C13orf42: variants seen among roughly 807,000 people sequenced by gnomAD.
The protein encoded by C13orf42 is uncharacterized protein C13orf42.
At chr13:51,114,639 GATAGAT>G (rs1363116641), upstream of C13orf42, among the ~76,000 whole-genome samples, 4,375 of 100,610 alleles carry the variant, frequency 0.043, 207 homozygotes, top group African/African-American at 0.13. Flanking sequence ...TAGATAGATA[GATAGAT>G]AGAGATAGAC....
At chr13:51,108,625 T>G (rs1377303224) in intron 1 of C13orf42, among the ~76,000 whole-genome samples, 1 of 152,234 alleles carries the variant, frequency 6.6e-6, no homozygotes, top group Non-Finnish European at 1.5e-5. Flanking sequence ...AAGTACCTGG[T>G]ATGTGCTAGG....
At position 51,095,049 on chromosome 13, in the gene C13orf42, AC is replaced by A. The variant is rs753960935; in HGVS notation, c.415-6975del. Among the ~76,000 whole-genome samples the A allele has an allele frequency of 1.2e-3, 178 of 152,098 alleles. 2 individuals are homozygous for A. Among genetic ancestry groups the A allele is most frequent in the Non-Finnish European group, 1.1e-3 (73 of 68,020 alleles). On this transcript the variant is annotated intron_variant, in intron 1 of 3. Transcript: ENST00000563710. Reference sequence around the variant, plus strand: ...TGCCTTTGTTTCTCCTTTGCCTTCCACCATGATTGTGAGGCCTCCCCAGCCA... The same window carrying A: ...TGCCTTTGTTTCTCCTTTGCCTTCCACATGATTGTGAGGCCTCCCCAGCCA...
intron 1 of C13orf42, among the ~76,000 whole-genome samples, chr13:51,133,778 T>G (rs1245418125): frequency 1.3e-5 from 2 of 152,186 alleles, no homozygotes; most frequent in East Asian, 3.9e-4. Flanking sequence ...TCTCGAACTC[T>G]GTGCCACCGT....
chr13:51,099,193 CTTTTA>C (rs1953263050), intron 1 of C13orf42, among the ~76,000 whole-genome samples: 2 of 152,088 alleles, frequency 1.3e-5, no homozygotes, highest in Admixed American at 1.3e-4. Flanking sequence ...TTATCTATTT[CTTTTA>C]TATTACAGCA....
chr13:51,121,315 C>T (rs530518680), intron 1 of C13orf42, among the ~76,000 whole-genome samples: 4 of 152,270 alleles, frequency 2.6e-5, no homozygotes, highest in African/African-American at 9.6e-5. Flanking sequence ...AACCAAACCA[C>T]ATTTAATACT....
At position 51,165,046 on chromosome 13, in the gene C13orf42, TC is replaced by T. The variant is rs199657703; in HGVS notation, n.136+7206del. ...AAGATCATTACGGGTGTGCTGACTA[TC>T]CTCCCTTTGCCTCCCTGTTGCCATG... On this transcript the variant is annotated intron_variant and non_coding_transcript_variant, in intron 1 of 4. Coordinates refer to the C13orf42 transcript ENST00000433280. Among the ~76,000 whole-genome samples, 1,251 of 152,294 alleles carry T rather than the reference TC, an allele frequency of 8.2e-3. 15 individuals carry two copies. Among genetic ancestry groups the T allele is most frequent in the African/African-American group, 0.028 (1,152 of 41,550 alleles).
chr13:51,099,577 T>C (rs1953265769), intron 1 of C13orf42, among the ~76,000 whole-genome samples: 1 of 152,230 alleles, frequency 6.6e-6, no homozygotes, highest in Non-Finnish European at 1.5e-5. Context: ...TAACAGGTTG[T>C]AGACTCACTG....
chr13:51,146,581 T>C (rs939225445), intron 1 of C13orf42, among the ~76,000 whole-genome samples: 1 of 152,212 alleles, frequency 6.6e-6, no homozygotes, highest in African/African-American at 2.4e-5. Context: ...AATCAATATA[T>C]GTAAGATGAG....
chr13:51,151,832 GTACTA>G (rs1277347093), intron 1 of C13orf42, among the ~76,000 whole-genome samples: 1 of 152,230 alleles, frequency 6.6e-6, no homozygotes, highest in African/African-American at 2.4e-5. Context: ...GAAGGGGTCT[GTACTA>G]TTCTGGACTT....
chr13:51,153,151 C>T (rs1037094473), intron 1 of C13orf42, among the ~76,000 whole-genome samples: 3 of 152,176 alleles, frequency 2.0e-5, no homozygotes, highest in African/African-American at 7.2e-5. Flanking sequence ...GACTTGGAGC[C>T]TCAGCTCCTG....
intron 1 of C13orf42, among the ~76,000 whole-genome samples, chr13:51,104,039 AT>A (rs1469920526): frequency 6.6e-5 from 10 of 152,332 alleles, no homozygotes; most frequent in South Asian, 4.1e-4. Context: ...ATATTAAAAT[AT>A]TTTACTTTAA....
chr13:51,098,807 A>C (rs1310312251), intron 1 of C13orf42, among the ~76,000 whole-genome samples: 1 of 151,852 alleles, frequency 6.6e-6, no homozygotes, highest in Non-Finnish European at 1.5e-5. Context: ...TATTGTCTTT[A>C]TGTATGAACA....
chr13:51,157,456 A>AAAATAAAATG (rs1262517313), intron 1 of C13orf42, among the ~76,000 whole-genome samples: 2 of 152,100 alleles, frequency 1.3e-5, no homozygotes, highest in South Asian at 4.1e-4. Context: ...AAAATAAAAT[A>AAAATAAAATG]AAATAAAATG....
At position 51,132,518 on chromosome 13, in the gene C13orf42, G is replaced by A. The variant is rs188967354; in HGVS notation, n.137-19296C>T. Among the ~76,000 whole-genome samples, 646 of 152,038 alleles carry A rather than the reference G, an allele frequency of 4.2e-3. 5 individuals carry two copies. Among genetic ancestry groups the A allele is most frequent in the Non-Finnish European group, 7.3e-3 (498 of 67,986 alleles). Reference sequence around the variant, plus strand: ...ATCTTCTGGATATCACCTTTTGTTGGAACTCAGAGTTATGAGTGTCCCTCA... The same window carrying A: ...ATCTTCTGGATATCACCTTTTGTTGAAACTCAGAGTTATGAGTGTCCCTCA... On this transcript the variant is annotated intron_variant and non_coding_transcript_variant, in intron 1 of 4. Coordinates refer to the C13orf42 transcript ENST00000433280.
chr13:51,108,085 C>G (rs1453371401), intron 1 of C13orf42, among the ~76,000 whole-genome samples: 1 of 152,144 alleles, frequency 6.6e-6, no homozygotes, highest in Non-Finnish European at 1.5e-5. Flanking sequence ...TCTGGTAGGT[C>G]CTTGGCTTTT....
chr13:51,104,639 A>G (rs1953330725), intron 1 of C13orf42, among the ~76,000 whole-genome samples: 1 of 152,180 alleles, frequency 6.6e-6, no homozygotes. Context: ...CACTAAAATA[A>G]AGCTTAAATT....
chr13:51,171,833 C>A (rs1953956033), intron 1 of C13orf42, among the ~76,000 whole-genome samples: 1 of 152,078 alleles, frequency 6.6e-6, no homozygotes, highest in African/African-American at 2.4e-5. Context: ...TGGCAGCAAC[C>A]CTGAGACGCT....
intron 1 of C13orf42, among the ~76,000 whole-genome samples, chr13:51,160,387 G>A (rs1447124685): frequency 6.6e-6 from 1 of 152,214 alleles, no homozygotes; most frequent in Non-Finnish European, 1.5e-5. Context: ...GCGCAAGCCT[G>A]TAATCCCAGC....
intron 1 of C13orf42, among the ~76,000 whole-genome samples, chr13:51,169,682 C>T (rs953281393): frequency 1.3e-5 from 2 of 152,210 alleles, no homozygotes; most frequent in East Asian, 3.8e-4. Flanking sequence ...CCAGCCATGG[C>T]TAAAAGGGGC....
Sources: allele counts gnomAD v4.1 joint callset (sites outside exome capture counted in the v4.1 genomes callset), GRCh38; gene constraint gnomAD v4.1.1; transcripts MANE v1.5; gene names NCBI Gene and HGNC (gene_info 2026-07-23, HGNC 2026-07-21).